Variants in ARHGAP12 observed in about 807,000 individuals in gnomAD.
ARHGAP12 encodes the protein rho GTPase-activating protein 12.
In ARHGAP12, 64 loss-of-function variants were observed where a neutral mutation model predicts 108.6. The ratio of observed to expected loss-of-function variants is 0.59; its 90% CI spans 0.48 to 0.73. The LOEUF (loss-of-function observed/expected upper bound fraction) is 0.73, where lower values mean the gene tolerates loss of function less well. ARHGAP12 is among the 30% of genes least tolerant of loss of function. The pLI, the probability that ARHGAP12 is intolerant of heterozygous loss-of-function variation, is 0.00. For missense variants in ARHGAP12, 940 were observed against 1,005.9 expected, an observed-to-expected ratio of 0.93 and a Z score of 0.89; for synonymous variants, 312 against 337.2, an observed-to-expected ratio of 0.93 and a Z score of 0.82.
rs1011612390 is a variant in ARHGAP12 at position 31,850,324 on chromosome 10, A to C, written c.1170+2193T>G. Among the ~76,000 whole-genome samples, 12 of 152,362 alleles carry C rather than the reference A, an allele frequency of 7.9e-5. No homozygotes were observed. In the East Asian group the frequency reaches 2.3e-3, roughly 29 times the overall value. ...TTTTCTTCTGGTTCCTTCAAGTGGA[A>C]ATCAGAGCTTGTATTTTATAAGCAT... is the stretch of plus-strand genomic sequence containing the variant. On this transcript the variant is annotated intron_variant, in intron 6 of 19. Transcript: ENST00000344936.
intron 4 of ARHGAP12, 149 bp from the exon 5 acceptor site, chr10:31,854,355 TCTTTAAATG>T: frequency 1.3e-6 from 1 of 757,844 alleles, no homozygotes; most frequent in African/African-American, 1.8e-5. Flanking sequence ...AATTGATAAG[TCTTTAAATG>T]GTACATTGTA....
At position 31,908,352 on chromosome 10, in the gene ARHGAP12, A is replaced by C; in HGVS notation, c.504T>G (p.Val168=). The change falls in exon 3 of 20, where the codon GTT becomes GTG. Residue 168 remains valine, a synonymous_variant. Transcript: ENST00000344936. ...KFNNDSHSPK[V]SSQNRTRSFG... ...ATGAGCGTGTCCTATTCTGGCTGGA[A>C]ACTTTAGGAGAATGTGAGTCATTGT... is the stretch of plus-strand genomic sequence containing the variant. 6.2e-7 allele frequency: 1 copy of C among 1,614,174 alleles called. No homozygotes were observed. The highest frequency in any genetic ancestry group is 8.5e-7 in the Non-Finnish European group (1 of 1,180,024).
At chr10:31,891,735 G>A (rs184486403) in intron 3 of ARHGAP12, among the ~76,000 whole-genome samples, 23 of 151,992 alleles carry the variant, frequency 1.5e-4, no homozygotes, top group Admixed American at 2.0e-4. Context: ...ATGTAGATTT[G>A]GTCTTTTCAC....
At chr10:31,837,435 A>T (rs1222820596) in intron 9 of ARHGAP12, among the ~76,000 whole-genome samples, 3 of 152,254 alleles carry the variant, frequency 2.0e-5, no homozygotes, top group African/African-American at 7.2e-5. Flanking sequence ...TTAGGAATTT[A>T]AAACCTGGTA....
chr10:31,836,484 A>G (rs1836019045), intron 9 of ARHGAP12, among the ~76,000 whole-genome samples: 1 of 152,228 alleles, frequency 6.6e-6, no homozygotes, highest in African/African-American at 2.4e-5. Context: ...TTAGAAAAGA[A>G]AAAGTTAACA....
rs756450908 is a variant in ARHGAP12, at chr10:31,809,043, T to C, written c.2214A>G (p.Pro738=). ...GALKMFFREL[P]EPLFTFNHFN... Reference sequence around the variant, plus strand: ...AATGATTAAATGTAAAAAGAGGTTCTGGTAATTCTCGAAAAAACATTTTGA... The same window carrying C: ...AATGATTAAATGTAAAAAGAGGTTCCGGTAATTCTCGAAAAAACATTTTGA... The change falls in exon 18 of 20, where the codon CCA becomes CCG. Residue 738 remains proline (P), a synonymous_variant. Transcript: ENST00000344936. 83 of 1,604,804 alleles carry C rather than the reference T, an allele frequency of 5.2e-5. No individual in the cohort carries two copies. The highest frequency in any genetic ancestry group is 1.7e-4 in the Middle Eastern group (1 of 6,038).
intron 3 of ARHGAP12, among the ~76,000 whole-genome samples, chr10:31,894,221 C>T (rs1275394531): frequency 6.6e-6 from 1 of 152,146 alleles, no homozygotes; most frequent in East Asian, 1.9e-4. Context: ...CACTCCTATT[C>T]AACATAGTGT....
At chr10:31,915,013 C>T (rs770205835) in intron 1 of ARHGAP12, among the ~76,000 whole-genome samples, 1 of 152,172 alleles carries the variant, frequency 6.6e-6, no homozygotes, top group Admixed American at 6.5e-5. Context: ...GTGGACGTTA[C>T]GTTGAATGAA....
chr10:31,836,312 G>A (rs1204058651), intron 9 of ARHGAP12, among the ~76,000 whole-genome samples: 1 of 151,880 alleles, frequency 6.6e-6, no homozygotes, highest in Admixed American at 6.6e-5. Flanking sequence ...AGGTACATTG[G>A]GACATATAAT....
chr10:31,900,833 AT>A (rs34680422), intron 3 of ARHGAP12, among the ~76,000 whole-genome samples: 34,265 of 150,854 alleles, frequency 0.23, 4,029 homozygotes, highest in East Asian at 0.39. Context: ...ATGTATGCAA[AT>A]TTTTTTTTTA....
At chr10:31,865,648 G>T (rs1015106114) in intron 3 of ARHGAP12, among the ~76,000 whole-genome samples, 2 of 151,978 alleles carry the variant, frequency 1.3e-5, no homozygotes, top group South Asian at 2.1e-4. Flanking sequence ...GGCTGAAGCC[G>T]GTGGATCACG....
intron 3 of ARHGAP12, among the ~76,000 whole-genome samples, chr10:31,869,931 C>T (rs1008386411): frequency 6.6e-6 from 1 of 152,162 alleles, no homozygotes; most frequent in Non-Finnish European, 1.5e-5. Flanking sequence ...AGCTACACCT[C>T]TTGCTTCTTA....
intron 16 of ARHGAP12, chr10:31,809,687 T>C (rs987298072): frequency 2.3e-5 from 4 of 173,408 alleles, no homozygotes; most frequent in Non-Finnish European, 4.9e-5. Context: ...CATTTTATAA[T>C]GTAAATGCAC....
At chr10:31,854,298 AG>A in intron 4 of ARHGAP12, 92 bp from the exon 5 acceptor site, 1 of 1,108,752 alleles carries the variant, frequency 9.0e-7, no homozygotes, top group South Asian at 1.7e-5. Flanking sequence ...CTTGACTATA[AG>A]TATGAAGATA....
intron 2 of ARHGAP12, among the ~76,000 whole-genome samples, chr10:31,909,190 A>G (rs1306400587): frequency 6.6e-6 from 1 of 152,226 alleles, no homozygotes; most frequent in Non-Finnish European, 1.5e-5. Flanking sequence ...CTAACCAGGT[A>G]GACACAAGAG....
At chr10:31,833,778 A>G (rs1835917493) in intron 9 of ARHGAP12, among the ~76,000 whole-genome samples, 1 of 152,196 alleles carries the variant, frequency 6.6e-6, no homozygotes, top group African/African-American at 2.4e-5. Context: ...GGAGTCAGCT[A>G]GACTGAAACA....
chr10:31,845,796 G>T (rs973963738), intron 6 of ARHGAP12, among the ~76,000 whole-genome samples: 1 of 151,986 alleles, frequency 6.6e-6, no homozygotes, highest in Non-Finnish European at 1.5e-5. Flanking sequence ...AAAAAATAAA[G>T]AAAGAAAGAA....
At chr10:31,820,625 T>C (rs938572192) in intron 11 of ARHGAP12, 137 bp from the exon 12 acceptor site, 6 of 444,078 alleles carry the variant, frequency 1.4e-5, no homozygotes, top group Non-Finnish European at 2.3e-5. Context: ...TATTATAAAG[T>C]AACAATTTCT....
At chr10:31,901,302 C>T (rs1035873190) in intron 3 of ARHGAP12, among the ~76,000 whole-genome samples, 6 of 151,224 alleles carry the variant, frequency 4.0e-5, no homozygotes, top group African/African-American at 9.7e-5. Flanking sequence ...GAGACAGAGG[C>T]GGGAGGATCA....
Sources: allele counts gnomAD v4.1 joint callset (sites outside exome capture counted in the v4.1 genomes callset), GRCh38; gene constraint gnomAD v4.1.1; transcripts MANE v1.5; gene names NCBI Gene and HGNC (gene_info 2026-07-23, HGNC 2026-07-21).